The following MAPK10 variants were observed in gnomAD, a reference collection of about 807,000 sequenced individuals.
MAPK10 encodes JNK3 alpha protein kinase.
MAPK10 carries 25 observed loss-of-function variants against 59.3 expected under a neutral mutation model. The ratio of observed to expected loss-of-function variants is 0.42; its 90% confidence interval spans 0.31 to 0.59. MAPK10 has a LOEUF of 0.59. Among genes scored for constraint, MAPK10 ranks in the 20% least tolerant of loss-of-function variants. The pLI is 0.15. For synonymous variants in MAPK10, 190 were observed against 200.5 expected (o/e 0.95, Z 0.44); for missense variants, 351 against 568.9 (o/e 0.62, Z 3.90).
At chr4:86,050,013 C>T (rs182861566) in intron 11 of MAPK10, among the ~76,000 whole-genome samples, 43 of 152,284 alleles carry the variant, frequency 2.8e-4, no homozygotes, top group Non-Finnish European at 6.0e-4. Context: ...CCATTCCCTT[C>T]CCTGCTCACA....
At chr4:86,059,247 A>T (rs1234039206) in intron 11 of MAPK10, among the ~76,000 whole-genome samples, 2 of 152,228 alleles carry the variant, frequency 1.3e-5, no homozygotes, top group Non-Finnish European at 2.9e-5. Flanking sequence ...AACTCTGCTC[A>T]CAGGGCATGG....
chr4:86,070,494 A>G (rs2047664154), intron 9 of MAPK10, among the ~76,000 whole-genome samples: 1 of 148,998 alleles, frequency 6.7e-6, no homozygotes, highest in Non-Finnish European at 1.5e-5. Context: ...GCACCCACTA[A>G]CTCGTCATCT....
chr4:86,396,216 G>A (rs1220488709), intron 1 of MAPK10, among the ~76,000 whole-genome samples: 1 of 152,102 alleles, frequency 6.6e-6, no homozygotes, highest in Non-Finnish European at 1.5e-5. Context: ...GCCTGGTGGC[G>A]GGCGCCTGTA....
chr4:86,486,261 T>C (rs1753982972), intron 1 of MAPK10, among the ~76,000 whole-genome samples: 1 of 152,186 alleles, frequency 6.6e-6, no homozygotes, highest in Non-Finnish European at 1.5e-5. Flanking sequence ...GAATAGCCAC[T>C]GCACTCCAGC....
At chr4:86,319,154 T>C (rs768978397) in intron 2 of MAPK10, among the ~76,000 whole-genome samples, 9 of 151,840 alleles carry the variant, frequency 5.9e-5, no homozygotes, top group East Asian at 1.9e-4. Context: ...GAATGGAAAA[T>C]CTATTGATAA....
intron 1 of MAPK10, among the ~76,000 whole-genome samples, chr4:86,580,122 C>T (rs959391198): frequency 2.0e-5 from 3 of 152,002 alleles, no homozygotes; most frequent in African/African-American, 7.2e-5. Context: ...TTATGAGTTA[C>T]TAGTTAAGCC....
intron 2 of MAPK10, among the ~76,000 whole-genome samples, chr4:86,258,859 C>G (rs2093870040): frequency 6.6e-6 from 1 of 152,150 alleles, no homozygotes; most frequent in South Asian, 2.1e-4. Context: ...GCACTGACTC[C>G]TGCACTCCCA....
chr4:86,330,291 T>A (rs1282052969), intron 2 of MAPK10, among the ~76,000 whole-genome samples: 1 of 152,210 alleles, frequency 6.6e-6, no homozygotes, highest in Non-Finnish European at 1.5e-5. Flanking sequence ...ACCAAGTGAA[T>A]CAAAGCAGAT....
At chr4:86,198,275 T>C (rs369052343) in intron 2 of MAPK10, among the ~76,000 whole-genome samples, 1 of 152,068 alleles carries the variant, frequency 6.6e-6, no homozygotes, top group African/African-American at 2.4e-5. Flanking sequence ...CAGGCATGAT[T>C]CCTGCCCATT....
chr4:86,557,082 G>C (rs1760324584), intron 1 of MAPK10, among the ~76,000 whole-genome samples: 1 of 151,736 alleles, frequency 6.6e-6, no homozygotes, highest in Non-Finnish European at 1.5e-5. Context: ...TTAATTCCAT[G>C]GCTATCAATC....
chr4:86,565,450 C>T (rs1194609303), intron 1 of MAPK10, among the ~76,000 whole-genome samples: 3 of 152,132 alleles, frequency 2.0e-5, no homozygotes, highest in African/African-American at 7.2e-5. Context: ...CAATTTTTCT[C>T]TAAAAGCTAG....
chr4:86,416,761 A>G (rs915945324), intron 1 of MAPK10, among the ~76,000 whole-genome samples: 7 of 152,222 alleles, frequency 4.6e-5, no homozygotes, highest in African/African-American at 1.7e-4. Context: ...GAGTTCCAAA[A>G]TAAATTCACC....
chr4:86,039,899 G>A (rs987167924), intron 11 of MAPK10, among the ~76,000 whole-genome samples: 3 of 152,062 alleles, frequency 2.0e-5, no homozygotes, highest in Admixed American at 1.3e-4. Context: ...CCCACCTGCT[G>A]ACCCAGGCAC....
At position 86,082,605 on chromosome 4, in the gene MAPK10, G is replaced by A. The variant is rs531402204; in HGVS notation, c.803-14650C>T. ...GGCCAGGAGGTTTTGCAAAAGCTTC[G>A]AAGGAGAAATGGCTGAAGGCAGCCA... On this transcript the variant is annotated intron_variant, in intron 9 of 13. Transcript: ENST00000641462. Among the ~76,000 whole-genome samples the A allele has an allele frequency of 7.2e-5, 11 of 152,238 alleles. No homozygotes were observed. In the East Asian group the frequency reaches 9.7e-4, roughly 13 times the overall value.
Position 86,165,543 on chromosome 4 carries a change from A to ATTTT in MAPK10, c.67-6080_67-6077dup, listed in dbSNP as rs10525325. 6.6e-4 allele frequency among the ~76,000 whole-genome samples: 38 copies of ATTTT among 57,300 alleles called. 5 individuals are homozygous for ATTTT. The highest frequency in any genetic ancestry group is 1.1e-3 in the East Asian group (2 of 1,762). 37.6% of individuals were successfully genotyped at this position (57,300 alleles called of 152,430 possible). On this transcript the variant is annotated intron_variant, in intron 3 of 13. Coordinates refer to ENST00000641462, the MANE Select transcript of MAPK10 (RefSeq NM_138982.4). ...AGGCACATGCCACCACTCCCAGATA[A>ATTTT]TTTTTTTTTTTTTTTTTTTTTTTTT...
At chr4:86,112,640 T>G (rs542060130) in intron 4 of MAPK10, among the ~76,000 whole-genome samples, 1 of 151,958 alleles carries the variant, frequency 6.6e-6, no homozygotes, top group Non-Finnish European at 1.5e-5. Context: ...GTAATTATAT[T>G]ATTAATTTTA....
At chr4:86,475,939 G>A (rs984996002) in intron 1 of MAPK10, among the ~76,000 whole-genome samples, 4 of 151,954 alleles carry the variant, frequency 2.6e-5, no homozygotes, top group Non-Finnish European at 4.4e-5. Flanking sequence ...CTACAATACC[G>A]TTTGGCCCCA....
At chr4:86,279,128 T>A (rs1463636574) in intron 2 of MAPK10, among the ~76,000 whole-genome samples, 2 of 152,192 alleles carry the variant, frequency 1.3e-5, no homozygotes, top group Non-Finnish European at 2.9e-5. Context: ...ATTATCTTTG[T>A]AAATTTTATG....
upstream of MAPK10, among the ~76,000 whole-genome samples, chr4:86,361,997 A>G (rs1737066555): frequency 6.6e-6 from 1 of 152,094 alleles, no homozygotes. Context: ...TATAGTTAAT[A>G]ATAATGTTGC....
Sources: allele counts gnomAD v4.1 joint callset (sites outside exome capture counted in the v4.1 genomes callset), GRCh38; gene constraint gnomAD v4.1.1; transcripts MANE v1.5; gene names NCBI Gene and HGNC (gene_info 2026-07-23, HGNC 2026-07-21).